PDE4B: variants seen among roughly 807,000 people sequenced by gnomAD.
PDE4B encodes the protein 3',5'-cyclic-AMP phosphodiesterase 4B.
Under a neutral mutation model 82.2 loss-of-function variants are expected in PDE4B, and 20 were observed. That is an observed-to-expected ratio of 0.24 (90% CI 0.17 to 0.35). The LOEUF is 0.35. PDE4B is among the 10% of genes least tolerant of loss of function. The probability of loss-of-function intolerance (pLI) is 1.00; values close to 1 mark genes in which losing one functional copy is unlikely to be tolerated. For missense variants in PDE4B, 655 were observed against 907.2 expected (o/e 0.72, Z 3.57); for synonymous variants, 320 against 318.9 (o/e 1.00, Z -0.04).
intron 7 of PDE4B, among the ~76,000 whole-genome samples, chr1:66,315,630 A>T (rs1462439431): frequency 6.6e-6 from 1 of 150,516 alleles, no homozygotes; most frequent in Non-Finnish European, 1.5e-5. Flanking sequence ...TAATTTTTGT[A>T]TTTTTTTTTA....
At chr1:66,190,610 G>A (rs1268119402) in intron 3 of PDE4B, among the ~76,000 whole-genome samples, 4 of 152,148 alleles carry the variant, frequency 2.6e-5, no homozygotes, top group Admixed American at 6.5e-5. Context: ...AATGAGTGAG[G>A]CTCTGTGGGC....
At position 66,014,596 on chromosome 1, in the gene PDE4B, C is replaced by T. The variant is rs533034930; in HGVS notation, c.281+95761C>T. On this transcript the variant is annotated intron_variant, in intron 3 of 16. Transcript: ENST00000341517. Reference sequence around the variant, plus strand: ...AAAAACCATACAGATTTAAGGGAAACTCAGACCACATAGCTATAAACCTGG... The same window carrying T: ...AAAAACCATACAGATTTAAGGGAAATTCAGACCACATAGCTATAAACCTGG... Among the ~76,000 whole-genome samples, 4 of 152,256 alleles carry T rather than the reference C, an allele frequency of 2.6e-5. No homozygotes were observed. In the South Asian group the frequency reaches 8.3e-4, roughly 32 times the overall value.
intron 3 of PDE4B, among the ~76,000 whole-genome samples, chr1:66,032,648 A>G (rs1218671106): frequency 7.4e-6 from 1 of 135,264 alleles, no homozygotes; most frequent in Non-Finnish European, 1.5e-5. Flanking sequence ...GGTATCATTT[A>G]TCTAATTTTT....
intron 7 of PDE4B, among the ~76,000 whole-genome samples, chr1:66,312,661 G>A (rs946870849): frequency 9.2e-5 from 14 of 152,200 alleles, no homozygotes; most frequent in African/African-American, 3.1e-4. Context: ...GCAGGGATTA[G>A]GATGCAGACA....
At chr1:66,369,091 G>A (rs991977155) in intron 16 of PDE4B, 122 bp downstream of exon 16, 15 of 708,300 alleles carry the variant, frequency 2.1e-5, no homozygotes, top group East Asian at 1.2e-4. Context: ...AGACAACTAC[G>A]CATTTTGTTC....
At chr1:65,838,509 GTA>G (rs553430902) in intron 1 of PDE4B, among the ~76,000 whole-genome samples, 196 of 146,538 alleles carry the variant, frequency 1.3e-3, no homozygotes, top group Non-Finnish European at 2.3e-3. Flanking sequence ...ATACGTATAT[GTA>G]TATATATGTA....
intron 7 of PDE4B, chr1:66,266,741 T>A (rs371534279): frequency 1.9e-6 from 1 of 514,292 alleles, no homozygotes; most frequent in Admixed American, 2.1e-5. Context: ...AGGAACACCA[T>A]GGAGTTCTGT....
At chr1:66,205,013 A>G (rs1268392979) in intron 3 of PDE4B, among the ~76,000 whole-genome samples, 3 of 152,116 alleles carry the variant, frequency 2.0e-5, no homozygotes, top group African/African-American at 7.2e-5. Context: ...GTTCTTAAGT[A>G]TTTTGGTAGT....
intron 3 of PDE4B, among the ~76,000 whole-genome samples, chr1:65,975,607 C>T (rs1650363756): frequency 6.6e-6 from 1 of 152,186 alleles, no homozygotes; most frequent in African/African-American, 2.4e-5. Flanking sequence ...CCATTACAGG[C>T]CCAGAGGTGT....
chr1:66,027,545 G>A (rs1332063262), intron 3 of PDE4B, among the ~76,000 whole-genome samples: 3 of 152,024 alleles, frequency 2.0e-5, no homozygotes, highest in Non-Finnish European at 2.9e-5. Flanking sequence ...GTCTTAACTC[G>A]TGACAGCATT....
At chr1:66,314,074 G>A (rs770492847) in intron 7 of PDE4B, among the ~76,000 whole-genome samples, 38 of 152,070 alleles carry the variant, frequency 2.5e-4, no homozygotes, top group Non-Finnish European at 4.7e-4. Context: ...TTGGAAACTC[G>A]TCTCTCCAGT....
At chr1:66,317,580 A>G (rs557279882) in intron 7 of PDE4B, among the ~76,000 whole-genome samples, 1 of 150,812 alleles carries the variant, frequency 6.6e-6, no homozygotes, top group Admixed American at 6.6e-5. Context: ...TTTTTTTTTT[A>G]AATTTCTTTT....
chr1:66,164,605 G>A (rs1222368975), intron 3 of PDE4B, among the ~76,000 whole-genome samples: 2 of 147,970 alleles, frequency 1.4e-5, no homozygotes, highest in Admixed American at 1.3e-4. Flanking sequence ...AAAGACCAGC[G>A]ATCTCTATTA....
At chr1:65,896,611 C>G (rs1044055680) in intron 1 of PDE4B, among the ~76,000 whole-genome samples, 1 of 152,110 alleles carries the variant, frequency 6.6e-6, no homozygotes, top group Non-Finnish European at 1.5e-5. Context: ...TTCCTATTCA[C>G]CAACACTGAG....
chr1:66,060,954 A>G (rs778798415), intron 3 of PDE4B, among the ~76,000 whole-genome samples: 1 of 151,892 alleles, frequency 6.6e-6, no homozygotes, highest in Non-Finnish European at 1.5e-5. Flanking sequence ...CATATAAGAA[A>G]ATGATTAGAA....
intron 3 of PDE4B, among the ~76,000 whole-genome samples, chr1:66,110,860 A>G (rs1192551775): frequency 7.9e-5 from 12 of 152,062 alleles, no homozygotes; most frequent in Admixed American, 6.6e-4. Context: ...GCCTTCTGCA[A>G]CTACTGCTGT....
chr1:65,879,581 C>T (rs1199070872), intron 1 of PDE4B, among the ~76,000 whole-genome samples: 7 of 152,122 alleles, frequency 4.6e-5, no homozygotes, highest in East Asian at 1.9e-4. Context: ...AAGAATGTGA[C>T]GTGAGCTGGG....
chr1:66,119,279 G>C (rs1645660174), intron 3 of PDE4B, among the ~76,000 whole-genome samples: 1 of 152,154 alleles, frequency 6.6e-6, no homozygotes, highest in Non-Finnish European at 1.5e-5. Flanking sequence ...TGTATTCGGT[G>C]GTGTGTTTTC....
intron 4 of PDE4B, among the ~76,000 whole-genome samples, chr1:66,248,552 A>G (rs964257866): frequency 2.0e-5 from 3 of 152,226 alleles, no homozygotes; most frequent in Non-Finnish European, 1.5e-5. Flanking sequence ...ACATTTTAAT[A>G]GACGCACCCC....
Sources: gnomAD v4.1 joint callset for allele counts (sites outside exome capture counted in the v4.1 genomes callset) on GRCh38, gnomAD v4.1.1 for gene constraint, MANE v1.5 for transcripts, NCBI Gene and HGNC (gene_info 2026-07-23, HGNC 2026-07-21) for gene names.